PKIG: variants seen among roughly 807,000 people sequenced by gnomAD.
The protein encoded by PKIG is cAMP-dependent protein kinase inhibitor gamma, also known as protein kinase (cAMP-dependent, catalytic) inhibitor gamma.
In PKIG, 1 loss-of-function variant was observed where a neutral mutation model predicts 6.8. The ratio of observed to expected loss-of-function variants is 0.15; its 90% CI spans 0.05 to 0.69. PKIG has a LOEUF of 0.69. Ranked by LOEUF, PKIG falls within the 30% of genes least tolerant of loss-of-function variation. The probability of loss-of-function intolerance (pLI) is 0.82; values close to 1 mark genes in which losing one functional copy is unlikely to be tolerated. For synonymous variants in PKIG, 39 were observed against 43.0 expected, an observed-to-expected ratio of 0.91 and a Z score of 0.36; for missense variants, 77 against 104.0, an observed-to-expected ratio of 0.74 and a Z score of 1.13.
At chr20:44,586,502 T>TGCTGAG (rs1323189991) in intron 1 of PKIG, among the ~76,000 whole-genome samples, 2 of 152,200 alleles carry the variant, frequency 1.3e-5, no homozygotes, top group Admixed American at 6.5e-5. Flanking sequence ...AGCCAGCCAG[T>TGCTGAG]GCTGAGGCCA....
At chr20:44,567,270 CCT>C (rs1372067008) in intron 1 of PKIG, among the ~76,000 whole-genome samples, 1 of 152,118 alleles carries the variant, frequency 6.6e-6, no homozygotes, top group Non-Finnish European at 1.5e-5. Flanking sequence ...CACCTGTGAC[CCT>C]AGGGTCTGGC....
At chr20:44,559,691 T>A (rs567783835) in intron 1 of PKIG, among the ~76,000 whole-genome samples, 1 of 152,366 alleles carries the variant, frequency 6.6e-6, no homozygotes, top group South Asian at 2.1e-4. Context: ...AAATGATACA[T>A]TTCCATTACA....
chr20:44,601,074 C>T (rs1045757655), intron 2 of PKIG, among the ~76,000 whole-genome samples: 6 of 152,096 alleles, frequency 3.9e-5, no homozygotes, highest in Admixed American at 1.3e-4. Flanking sequence ...GAGGGAGGCC[C>T]AAAGGGTGTG....
chr20:44,546,547 GTTTTTTTGAGTTCTTT>G (rs1175529588), intron 1 of PKIG, among the ~76,000 whole-genome samples: 2 of 137,434 alleles, frequency 1.5e-5, no homozygotes. Context: ...TATATTTTTT[GTTTTTTTGAGTTCTTT>G]TTTTTTTGAG....
intron 1 of PKIG, among the ~76,000 whole-genome samples, chr20:44,554,832 AG>A (rs1302584966): frequency 1.3e-5 from 2 of 152,316 alleles, no homozygotes; most frequent in East Asian, 3.9e-4. Flanking sequence ...TGAAAAGGGC[AG>A]GGGGCGTGGG....
chr20:44,555,119 A>G (rs1291054423), intron 1 of PKIG, among the ~76,000 whole-genome samples: 1 of 152,160 alleles, frequency 6.6e-6, no homozygotes, highest in Non-Finnish European at 1.5e-5. Flanking sequence ...TGTCATTATT[A>G]TTTTTGTTGA....
At chr20:44,584,835 T>C (rs1026095497) in intron 1 of PKIG, among the ~76,000 whole-genome samples, 3 of 152,022 alleles carry the variant, frequency 2.0e-5, no homozygotes, top group Non-Finnish European at 2.9e-5. Context: ...GGGATTCTCC[T>C]GCCTCAGCCC....
intron 1 of PKIG, among the ~76,000 whole-genome samples, chr20:44,536,859 A>G (rs966144529): frequency 6.6e-5 from 10 of 152,210 alleles, no homozygotes; most frequent in African/African-American, 2.4e-4. Flanking sequence ...TGAAGTACAC[A>G]TATCTATTAT....
rs1600850158 is a variant in PKIG at position 44,557,886 on chromosome 20, G to C, written c.-240-24699G>C. Among the ~76,000 whole-genome samples the C allele has an allele frequency of 2.0e-5, 3 of 152,062 alleles. 1 individual carries two copies. The highest frequency in any genetic ancestry group is 7.2e-5 in the African/African-American group (3 of 41,494). ...AGTATATGGTACAAACATGAGACTT[G>C]GTGCTCTTTTGGATTCCTAAGGCTT... On this transcript the variant is annotated intron_variant, in intron 1 of 4. Transcript: ENST00000372887.
chr20:44,536,028 C>T (rs2064509106), intron 1 of PKIG, among the ~76,000 whole-genome samples: 3 of 152,210 alleles, frequency 2.0e-5, no homozygotes, highest in Admixed American at 2.0e-4. Flanking sequence ...TGTTTGGTTA[C>T]TCTGGATACA....
At chr20:44,538,039 C>CT (rs2064528597) in intron 1 of PKIG, among the ~76,000 whole-genome samples, 1 of 151,996 alleles carries the variant, frequency 6.6e-6, no homozygotes, top group African/African-American at 2.4e-5. Context: ...TGACAGCCTC[C>CT]TTTTGAGAGA....
chr20:44,605,933 CA>C lies in PKIG; in HGVS notation c.-23-8598del, dbSNP rs957340625. ...CAAAAAACAAAGTACCAGAAATAAA[CA>C]AAGGGATTTCTTTACTAATCTTAGA... On this transcript the variant is annotated intron_variant, in intron 2 of 3. Coordinates refer to ENST00000372886, the MANE Select transcript of PKIG (RefSeq NM_001281445.2). 1.7e-4 allele frequency among the ~76,000 whole-genome samples: 26 copies of C among 152,154 alleles called. 1 individual carries two copies. Among genetic ancestry groups the C allele is most frequent in the African/African-American group, 6.3e-4 (26 of 41,530 alleles).
At chr20:44,536,639 G>A (rs1401823016) in intron 1 of PKIG, among the ~76,000 whole-genome samples, 1 of 152,198 alleles carries the variant, frequency 6.6e-6, no homozygotes, top group Admixed American at 6.5e-5. Flanking sequence ...AGCCACCCAA[G>A]CCTTTGTTTA....
intron 1 of PKIG, among the ~76,000 whole-genome samples, chr20:44,540,507 A>G (rs1278521353): frequency 6.6e-6 from 1 of 152,158 alleles, no homozygotes; most frequent in Non-Finnish European, 1.5e-5. Flanking sequence ...AACTGGATAC[A>G]TGAGTTATGT....
At chr20:44,596,203 G>A (rs1376979513) in intron 2 of PKIG, among the ~76,000 whole-genome samples, 3 of 152,204 alleles carry the variant, frequency 2.0e-5, no homozygotes, top group Non-Finnish European at 2.9e-5. Context: ...CCTGGCTCAC[G>A]GGACATTTCT....
chr20:44,591,934 A>G (rs112852754), intron 2 of PKIG, among the ~76,000 whole-genome samples: 11,248 of 152,214 alleles, frequency 0.074, 553 homozygotes, highest in African/African-American at 0.14. Context: ...CCCTAGCCTC[A>G]GGATCAGTCT....
chr20:44,574,006 A>C (rs919767047), intron 1 of PKIG, among the ~76,000 whole-genome samples: 2 of 152,192 alleles, frequency 1.3e-5, no homozygotes, highest in African/African-American at 2.4e-5. Flanking sequence ...CTAGAAAGGC[A>C]TCTGTCTCCT....
At chr20:44,555,323 C>G (rs1344721727) in intron 1 of PKIG, among the ~76,000 whole-genome samples, 1 of 152,176 alleles carries the variant, frequency 6.6e-6, no homozygotes, top group Non-Finnish European at 1.5e-5. Context: ...TAACAGTGTA[C>G]TGTCAAAACA....
intron 1 of PKIG, among the ~76,000 whole-genome samples, chr20:44,550,485 G>T (rs888934079): frequency 2.4e-4 from 37 of 152,122 alleles, no homozygotes; most frequent in African/African-American, 8.7e-4. Flanking sequence ...AATCAGGACT[G>T]TAAGGTGGAT....
Sources: gnomAD v4.1 joint callset for allele counts (sites outside exome capture counted in the v4.1 genomes callset) on GRCh38, gnomAD v4.1.1 for gene constraint, MANE v1.5 for transcripts, NCBI Gene and HGNC (gene_info 2026-07-23, HGNC 2026-07-21) for gene names.